Variants in MKLN1 observed in about 807,000 individuals in gnomAD.
The protein encoded by MKLN1 is muskelin 1.
Under a neutral mutation model 99.0 loss-of-function variants are expected in MKLN1, and 18 were observed. The observed-to-expected ratio is 0.18, with a 90% CI of 0.13 to 0.27. MKLN1 has a LOEUF of 0.27. Among genes scored for constraint, MKLN1 ranks in the 10% least tolerant of loss-of-function variants. MKLN1 has a pLI of 1.00. For synonymous variants in MKLN1, 288 were observed against 293.2 expected, an observed-to-expected ratio of 0.98 and a Z score of 0.18; for missense variants, 621 against 875.9, an observed-to-expected ratio of 0.71 and a Z score of 3.67.
intron 2 of MKLN1, among the ~76,000 whole-genome samples, chr7:131,198,409 T>C (rs1796680519): frequency 6.6e-6 from 1 of 152,218 alleles, no homozygotes; most frequent in Admixed American, 6.5e-5. Flanking sequence ...AGCAAAGCGT[T>C]CCCAAGTTAC....
In MKLN1 at chr7:131,495,305, G is replaced by GC. The variant is rs1421549297; in HGVS notation, c.*7578dup. ...CAATAAAATCTGTCTTTCCAAGTCT[G>GC]CTTATTAATGCTGTGAATCGCTCCT... On this transcript the variant is annotated 3_prime_UTR_variant, in exon 18 of 18. Transcript: ENST00000352689. 5.9e-5 allele frequency: 9 copies of GC among 152,276 alleles called. No individual in the cohort carries two copies. The East Asian group carries it at 1.7e-3, about 29-fold the overall frequency. The allele number at this position is 152,276 out of a possible 1,614,324, so 9.4% of individuals were successfully genotyped here.
chr7:131,119,815 T>G (rs1022591329), intron 1 of MKLN1, among the ~76,000 whole-genome samples: 5 of 152,234 alleles, frequency 3.3e-5, no homozygotes, highest in Non-Finnish European at 7.3e-5. Flanking sequence ...CTTTCTGCCT[T>G]GTCTTGGCTA....
intron 1 of MKLN1, among the ~76,000 whole-genome samples, chr7:131,113,168 C>T (rs904449280): frequency 3.9e-5 from 6 of 152,198 alleles, no homozygotes; most frequent in African/African-American, 1.2e-4. Flanking sequence ...ACCCTGACCA[C>T]GCATAGGGTC....
At chr7:131,425,228 A>G (rs1795323689) in intron 8 of MKLN1, among the ~76,000 whole-genome samples, 1 of 152,004 alleles carries the variant, frequency 6.6e-6, no homozygotes, top group African/African-American at 2.4e-5. Flanking sequence ...TCATTAAAAC[A>G]CTTTTGACGT....
At chr7:131,411,504 G>T (rs891976418) in intron 7 of MKLN1, 121 bp downstream of exon 7, 6 of 697,662 alleles carry the variant, frequency 8.6e-6, no homozygotes, top group Non-Finnish European at 1.5e-5. Context: ...GCCAGTTGCA[G>T]TGGCTCATGT....
At chr7:131,342,273 G>A (rs1799430545) in intron 1 of MKLN1, among the ~76,000 whole-genome samples, 1 of 151,964 alleles carries the variant, frequency 6.6e-6, no homozygotes, top group Non-Finnish European at 1.5e-5. Context: ...GACTTCAAAT[G>A]TATTACTTTG....
rs749824251 is a variant in MKLN1, at chr7:131,487,983, T to A, written c.*255T>A. ...CAGTTAAATATATATATATATATAT[T>A]TTTTCTTACTTTATCTTTTAAGAAT... is the stretch of plus-strand genomic sequence containing the variant. On this transcript the variant is annotated 3_prime_UTR_variant, in exon 18 of 18. Transcript: ENST00000352689. This position sits in a 1 kb window ranked among gnomAD's most constrained non-coding sequence, Gnocchi z 4.7. The A allele has an allele frequency of 7.0e-4, 119 of 168,894 alleles. No homozygotes were observed. Among genetic ancestry groups the A allele is most frequent in the South Asian group, 1.8e-3 (9 of 5,014 alleles). 10.5% of individuals were successfully genotyped at this position (168,894 alleles called of 1,614,324 possible).
intron 8 of MKLN1, among the ~76,000 whole-genome samples, chr7:131,415,032 A>C (rs1029104927): frequency 6.6e-6 from 1 of 152,126 alleles, no homozygotes; most frequent in Non-Finnish European, 1.5e-5. Flanking sequence ...CAAATTAGGC[A>C]GCTAAGTGTT....
chr7:131,141,663 C>T (rs1285272599), intron 1 of MKLN1, among the ~76,000 whole-genome samples: 2 of 152,166 alleles, frequency 1.3e-5, no homozygotes, highest in East Asian at 1.9e-4. Context: ...ACAGACTTCC[C>T]CACCTCTTTA....
intron 2 of MKLN1, among the ~76,000 whole-genome samples, chr7:131,143,977 C>A (rs1795779037): frequency 6.6e-6 from 1 of 152,186 alleles, no homozygotes; most frequent in Non-Finnish European, 1.5e-5. Context: ...TCGTCAACCC[C>A]ACTGCATCCC....
Position 131,192,109 on chromosome 7 carries a change from T to C in MKLN1, c.-296-10748T>C, listed in dbSNP as rs188018054. Among the ~76,000 whole-genome samples the C allele has an allele frequency of 3.7e-4, 30 of 80,328 alleles. 1 individual carries two copies. The highest frequency in any genetic ancestry group is 1.8e-3 in the African/African-American group (30 of 16,616). 52.7% of individuals were successfully genotyped at this position (80,328 alleles called of 152,430 possible). A position where few individuals can be genotyped will look rare whatever the true frequency, so the allele number is the denominator to read the frequency against. ...TATTATATATATATGTATATATATA[T>C]TATATATATACGTATATATATAAAA... is the stretch of plus-strand genomic sequence containing the variant. On this transcript the variant is annotated intron_variant, in intron 2 of 7. Coordinates refer to the MKLN1 transcript ENST00000416992.
chr7:131,231,974 CT>C (rs1438325495), intron 3 of MKLN1, among the ~76,000 whole-genome samples: 47 of 152,072 alleles, frequency 3.1e-4, no homozygotes, highest in Middle Eastern at 3.2e-3. Context: ...TTAAAAATTA[CT>C]GAAATTATAA....
chr7:131,212,081 A>G (rs1429583570), intron 3 of MKLN1, among the ~76,000 whole-genome samples: 5 of 152,204 alleles, frequency 3.3e-5, no homozygotes, highest in African/African-American at 4.8e-5. Flanking sequence ...CACCAATTGA[A>G]GCTGTTCATC....
chr7:131,150,637 T>C (rs1362457576), intron 2 of MKLN1, among the ~76,000 whole-genome samples: 1 of 141,898 alleles, frequency 7.0e-6, no homozygotes, highest in Non-Finnish European at 1.6e-5. Flanking sequence ...TATATAATAA[T>C]CCATGGAAAC....
chr7:131,386,493 C>T (rs1360099870), intron 2 of MKLN1, among the ~76,000 whole-genome samples: 1 of 152,158 alleles, frequency 6.6e-6, no homozygotes, highest in African/African-American at 2.4e-5. Flanking sequence ...TTCTAAATAG[C>T]TTTTCCAACA....
intron 9 of MKLN1, among the ~76,000 whole-genome samples, 172 bp downstream of exon 9, chr7:131,429,317 G>A (rs1238517052): frequency 1.3e-5 from 2 of 152,118 alleles, no homozygotes; most frequent in East Asian, 1.9e-4. Flanking sequence ...ATAACTGGCT[G>A]TTCAGCTACT....
Position 131,383,499 on chromosome 7 carries a change from C to T in MKLN1, c.169-3621C>T, listed in dbSNP as rs544114379. 7.2e-5 allele frequency among the ~76,000 whole-genome samples: 11 copies of T among 152,262 alleles called. No homozygotes were observed. In the East Asian group the frequency reaches 1.7e-3, roughly 24 times the overall value. On this transcript the variant is annotated intron_variant, in intron 2 of 17. Transcript: ENST00000352689. ...ACTACATGAATGAATCCAGCAGCTA[C>T]CAATGGAAAAGCTGTCTAGCAAACC...
At chr7:131,168,272 C>T (rs1796164564) in intron 2 of MKLN1, among the ~76,000 whole-genome samples, 2 of 152,150 alleles carry the variant, frequency 1.3e-5, no homozygotes, top group South Asian at 4.1e-4. Flanking sequence ...CCCTACAGCT[C>T]ATTAGCCTCC....
Position 131,277,933 on chromosome 7 carries a change from A to C in MKLN1, c.-179+74959A>C, listed in dbSNP as rs186623400. On this transcript the variant is annotated intron_variant, in intron 3 of 7. Transcript: ENST00000416992. Reference sequence around the variant, plus strand: ...AAAAGTAAAGGAAAAAAGTTAATGGATTATGATCAATAGATGTAAGATCTG... The same window carrying C: ...AAAAGTAAAGGAAAAAAGTTAATGGCTTATGATCAATAGATGTAAGATCTG... Among the ~76,000 whole-genome samples the C allele has an allele frequency of 3.3e-5, 5 of 152,304 alleles. 1 individual carries two copies. In the East Asian group the frequency reaches 9.6e-4, roughly 29 times the overall value.
Sources: gnomAD v4.1 joint callset for allele counts (sites outside exome capture counted in the v4.1 genomes callset) on GRCh38, gnomAD v4.1.1 for gene constraint, Gnocchi (gnomAD v3.1) non-coding constraint, MANE v1.5 for transcripts, NCBI Gene and HGNC (gene_info 2026-07-23, HGNC 2026-07-21) for gene names.